The following LIMS2 variants were observed in gnomAD, a reference collection of about 807,000 sequenced individuals.
LIMS2 encodes the protein LIM and senescent cell antigen-like-containing domain protein 2.
Under a neutral mutation model 45.3 loss-of-function variants are expected in LIMS2, and 30 were observed. The ratio of observed to expected loss-of-function variants is 0.66; its 90% CI spans 0.50 to 0.90. The LOEUF is 0.90. Ranked by LOEUF, LIMS2 falls within the 40% of genes least tolerant of loss-of-function variation. LIMS2 has a pLI of 0.00. For missense variants in LIMS2, 485 were observed against 468.7 expected (o/e 1.03, Z -0.32); for synonymous variants, 173 against 188.0 (o/e 0.92, Z 0.65).
chr2:127,660,780 C>A (rs1018627078), intron 1 of LIMS2, among the ~76,000 whole-genome samples: 1 of 152,260 alleles, frequency 6.6e-6, no homozygotes, highest in African/African-American at 2.4e-5. Flanking sequence ...CCTGGCCACA[C>A]ACACTCTCCT....
intron 7 of LIMS2, 94 bp from the exon 8 acceptor site, chr2:127,640,412 T>G: frequency 1.5e-6 from 2 of 1,322,682 alleles, no homozygotes; most frequent in East Asian, 4.9e-5. Context: ...ACACGGCCCC[T>G]CTCAGGCATC....
At chr2:127,639,911 C>T (rs564949566) in intron 9 of LIMS2, among the ~76,000 whole-genome samples, 159 bp downstream of exon 9, 152 of 152,254 alleles carry the variant, frequency 1.0e-3, no homozygotes, top group African/African-American at 3.4e-3. Context: ...ACCCCCTGAA[C>T]CTGCCCCCAT....
chr2:127,651,614 C>A (rs371368749), intron 4 of LIMS2: 2 of 1,613,596 alleles, frequency 1.2e-6, no homozygotes, highest in Admixed American at 3.3e-5. Context: ...GGGCACTCGA[C>A]CCCATCATGT....
chr2:127,653,007 C>T lies in LIMS2; in HGVS notation c.359+1417G>A, dbSNP rs540080159. 1.3e-5 allele frequency among the ~76,000 whole-genome samples: 2 copies of T among 152,360 alleles called. No homozygotes were observed. The highest frequency in any genetic ancestry group is 2.1e-4 in the South Asian group (1 of 4,828). ...ATTGGGCTCGCTCCACACACCCTGT[C>T]GGCGACGTTGCTGGTCAGCACGAGC... On this transcript the variant is annotated intron_variant, in intron 4 of 9. Coordinates refer to ENST00000355119, the MANE Select transcript of LIMS2 (RefSeq NM_001161403.3). The surrounding 1 kb of genome is among the most constrained non-coding windows in gnomAD (Gnocchi z 5.3).
At chr2:127,651,207 G>A (rs1019174771) in intron 4 of LIMS2, 5 of 1,610,000 alleles carry the variant, frequency 3.1e-6, no homozygotes, top group Non-Finnish European at 4.2e-6. Flanking sequence ...CCTGTGGGTG[G>A]TGGTGGCTGT....
In LIMS2 at chr2:127,667,143, A is replaced by G. The variant is rs1685043706; in HGVS notation, c.11+7871T>C. ...ACCAAACCTACAAACAAACATACAAAACACCAGTGTGGTGGCACATGCCTA... is the reference window on the plus strand; with the variant it reads ...ACCAAACCTACAAACAAACATACAAGACACCAGTGTGGTGGCACATGCCTA... On this transcript the variant is annotated intron_variant, in intron 1 of 9. Transcript: ENST00000355119. The surrounding 1 kb of genome is among the most constrained non-coding windows in gnomAD (Gnocchi z 4.1). 6.6e-6 allele frequency among the ~76,000 whole-genome samples: 1 copy of G among 152,124 alleles called. No individual in the cohort carries two copies. Among genetic ancestry groups the G allele is most frequent in the African/African-American group, 2.4e-5 (1 of 41,438 alleles).
At position 127,664,548 on chromosome 2, in the gene LIMS2, C is replaced by T. The variant is rs998585525; in HGVS notation, c.12-6986G>A. On this transcript the variant is annotated intron_variant, in intron 1 of 9. Transcript: ENST00000355119. The surrounding 1 kb of genome is among the most constrained non-coding windows in gnomAD (Gnocchi z 5.5). Reference sequence around the variant, plus strand: ...GCTGGTCGCGAGCTCACGTTACGCGCTGGGATCTCCAAAGGGCAGCAGAGT... The same window carrying T: ...GCTGGTCGCGAGCTCACGTTACGCGTTGGGATCTCCAAAGGGCAGCAGAGT... The T allele has an allele frequency of 8.7e-7, 1 of 1,150,360 alleles. No individual in the cohort carries two copies. The highest frequency in any genetic ancestry group is 4.7e-5 in the Admixed American group (1 of 21,110). 71.3% of individuals were successfully genotyped at this position (1,150,360 alleles called of 1,614,324 possible). A position where few individuals can be genotyped will look rare whatever the true frequency, so the allele number is the denominator to read the frequency against.
chr2:127,664,335 C>A lies in LIMS2; in HGVS notation c.12-6773G>T. Reference sequence around the variant, plus strand: ...TGGCTGGCGGCGGGCTCTGCCGGTGCTGGCGCCGCCGGTACAGCCCCGACG... The same window carrying A: ...TGGCTGGCGGCGGGCTCTGCCGGTGATGGCGCCGCCGGTACAGCCCCGACG... On this transcript the variant is annotated intron_variant, in intron 1 of 9. Coordinates refer to ENST00000355119, the MANE Select transcript of LIMS2 (RefSeq NM_001161403.3). This position sits in a 1 kb window ranked among gnomAD's most constrained non-coding sequence, Gnocchi z 5.5. The A allele has an allele frequency of 8.1e-7, 1 of 1,229,418 alleles. No homozygotes were observed. Among genetic ancestry groups the A allele is most frequent in the Non-Finnish European group, 1.0e-6 (1 of 986,894 alleles). 76.2% of individuals were successfully genotyped at this position (1,229,418 alleles called of 1,614,324 possible).
At chr2:127,673,531 A>C in intron 1 of LIMS2, 1 of 789,940 alleles carries the variant, frequency 1.3e-6, no homozygotes, top group Non-Finnish European at 2.0e-6. Flanking sequence ...CTCCGTCTCC[A>C]GGGAAAGGCC....
Position 127,671,023 on chromosome 2 carries a change from G to A in LIMS2, c.11+3991C>T, listed in dbSNP as rs948111173. Reference sequence around the variant, plus strand: ...GTGGTCATCCTGCTAAGTCATCTAAGTAAATATTCACCTTCAGAAATGTAC... The same window carrying A: ...GTGGTCATCCTGCTAAGTCATCTAAATAAATATTCACCTTCAGAAATGTAC... On this transcript the variant is annotated intron_variant, in intron 1 of 9. Coordinates refer to ENST00000355119, the MANE Select transcript of LIMS2 (RefSeq NM_001161403.3). The surrounding 1 kb of genome is among the most constrained non-coding windows in gnomAD (Gnocchi z 4.1). Among the ~76,000 whole-genome samples, 1 of 152,218 alleles carries A rather than the reference G, an allele frequency of 6.6e-6. No individual in the cohort carries two copies. Among genetic ancestry groups the A allele is most frequent in the Admixed American group, 6.5e-5 (1 of 15,284 alleles).
At position 127,664,657 on chromosome 2, in the gene LIMS2, A is replaced by AG; in HGVS notation, c.12-7096dup. On this transcript the variant is annotated intron_variant, in intron 1 of 9. Coordinates refer to ENST00000355119, the MANE Select transcript of LIMS2 (RefSeq NM_001161403.3). The surrounding 1 kb of genome is among the most constrained non-coding windows in gnomAD (Gnocchi z 5.5). Reference sequence around the variant, plus strand: ...CTGGCGGGGGTTGGGTCCCGCTGGGAGGGGACTGGTCTGGGAAGGCCCCAG... The same window carrying AG: ...CTGGCGGGGGTTGGGTCCCGCTGGGAGGGGGACTGGTCTGGGAAGGCCCCAG... 9.4e-7 allele frequency: 1 copy of AG among 1,059,314 alleles called. No individual in the cohort carries two copies. The highest frequency in any genetic ancestry group is 4.6e-5 in the South Asian group (1 of 21,708). 65.6% of individuals were successfully genotyped at this position (1,059,314 alleles called of 1,614,324 possible).
chr2:127,646,190 G>A (rs890683855), intron 4 of LIMS2: 1 of 152,300 alleles, frequency 6.6e-6, no homozygotes, highest in African/African-American at 2.4e-5. Context: ...CACGGGCGGA[G>A]ATCACCTGCT....
At chr2:127,655,175 T>C (rs538816027) in intron 2 of LIMS2, 3 of 553,538 alleles carry the variant, frequency 5.4e-6, no homozygotes, top group South Asian at 4.0e-5. Context: ...CTGGACCCTG[T>C]TGGTCCGGAG....
At chr2:127,648,972 GGGGA>G (rs1683314971) in intron 4 of LIMS2, among the ~76,000 whole-genome samples, 9 of 25,194 alleles carry the variant, frequency 3.6e-4, no homozygotes, top group Non-Finnish European at 5.9e-4. Flanking sequence ...GAGGGGGGGA[GGGGA>G]GGGAGGGGAG....
chr2:127,640,313 G>A lies in LIMS2; in HGVS notation c.759C>T (p.Phe253=), dbSNP rs370106270. Residue 253 remains phenylalanine, a synonymous_variant, in exon 8 of 10, where the codon TTC becomes TTT. Coordinates refer to ENST00000355119, the MANE Select transcript of LIMS2 (RefSeq NM_001161403.3). ...AYCETHYNQL[F]GDVCYNCSHV... is the part of the protein sequence containing the mutation. ...GGCTGCAGTTGTAGCAGACGTCCCC[G>A]AAGAGCTGTGGGCCGAGCAGGCTGT... The A allele has an allele frequency of 3.5e-5, 56 of 1,612,720 alleles. No homozygotes were observed. The highest frequency in any genetic ancestry group is 3.1e-4 in the African/African-American group (23 of 74,918).
At chr2:127,650,886 C>G in intron 4 of LIMS2, 1 of 1,614,128 alleles carries the variant, frequency 6.2e-7, no homozygotes, top group Non-Finnish European at 8.5e-7. Context: ...TGGCAATACC[C>G]TGGCTCTGTG....
chr2:127,657,554 G>T lies in LIMS2; in HGVS notation c.20C>A (p.Ser7Ter), dbSNP rs369093987. MTGSNM[S>*]DALANAVCQR... ...GCACACGGCGTTGGCCAAGGCGTCC[G>T]ACATATTGCTGGGGGCAGGAGACAG... The change falls in exon 2 of 10, where the codon TCG becomes TAG. Residue 7 changes from serine (S) to a stop codon, truncating the protein, a stop_gained. Transcript: ENST00000355119. LOFTEE classifies it high-confidence loss of function. 5.6e-6 allele frequency: 9 copies of T among 1,599,976 alleles called. No homozygotes were observed. Among genetic ancestry groups the T allele is most frequent in the Non-Finnish European group, 6.8e-6 (8 of 1,172,820 alleles).
At position 127,642,616 on chromosome 2, in the gene LIMS2, C is replaced by T. The variant is rs956768521; in HGVS notation, c.509+307G>A. 1 of 415,598 alleles carries T rather than the reference C, an allele frequency of 2.4e-6. No individual in the cohort carries two copies. Among genetic ancestry groups the T allele is most frequent in the Non-Finnish European group, 4.4e-6 (1 of 229,506 alleles). The allele number at this position is 415,598 out of a possible 1,614,324, so 25.7% of individuals were successfully genotyped here. ...AGCCCACTCCCGGTCTCTTGCCCTG[C>T]CCCCTCAGGTCCCTTCCACTGCTCC... On this transcript the variant is annotated intron_variant, in intron 5 of 9. Coordinates refer to ENST00000355119, the MANE Select transcript of LIMS2 (RefSeq NM_001161403.3). The surrounding 1 kb of genome is among the most constrained non-coding windows in gnomAD (Gnocchi z 5.3).
rs1407092227 is a variant in LIMS2, at chr2:127,672,529, C to T, written c.11+2485G>A. Among the ~76,000 whole-genome samples, 1 of 152,160 alleles carries T rather than the reference C, an allele frequency of 6.6e-6. No individual in the cohort carries two copies. The highest frequency in any genetic ancestry group is 1.5e-5 in the Non-Finnish European group (1 of 68,022). ...CACCTGTCATCACAGGAGGGGCATC[C>T]TCCCGAGCCCCACCCTCTGTGGCCC... On this transcript the variant is annotated intron_variant, in intron 1 of 9. Transcript: ENST00000355119. This position sits in a 1 kb window ranked among gnomAD's most constrained non-coding sequence, Gnocchi z 4.9.
Sources: gnomAD v4.1 joint callset for allele counts (sites outside exome capture counted in the v4.1 genomes callset) on GRCh38, gnomAD v4.1.1 for gene constraint, Gnocchi (gnomAD v3.1) non-coding constraint, MANE v1.5 for transcripts, NCBI Gene and HGNC (gene_info 2026-07-23, HGNC 2026-07-21) for gene names.